ESR1: variants seen among roughly 807,000 people sequenced by gnomAD.
ESR1 encodes the protein estrogen receptor.
A neutral mutation model predicts 52.7 loss-of-function variants in ESR1; 12 were observed. The ratio of observed to expected loss-of-function variants is 0.23; its 90% CI spans 0.15 to 0.37. The LOEUF is 0.37. ESR1 is among the 10% of genes least tolerant of loss of function. The pLI is 1.00. For synonymous variants in ESR1, 305 were observed against 316.8 expected, an observed-to-expected ratio of 0.96 and a Z score of 0.39; for missense variants, 584 against 779.7, an observed-to-expected ratio of 0.75 and a Z score of 2.99.
chr6:151,731,967 C>G (rs922569260), intron 2 of ESR1, among the ~76,000 whole-genome samples: 2 of 152,048 alleles, frequency 1.3e-5, no homozygotes, highest in Non-Finnish European at 2.9e-5. Flanking sequence ...CAGAGCAGGA[C>G]GTGGAATTGG....
chr6:151,661,422 T>A (rs1044491677), intron 1 of ESR1, among the ~76,000 whole-genome samples: 1 of 152,210 alleles, frequency 6.6e-6, no homozygotes, highest in Non-Finnish European at 1.5e-5. Flanking sequence ...TGGCTTCTAA[T>A]CAGGGGAAGA....
At chr6:152,123,199 A>G (rs977810703) in intron 6 of ESR1, among the ~76,000 whole-genome samples, 6 of 152,228 alleles carry the variant, frequency 3.9e-5, no homozygotes, top group Non-Finnish European at 8.8e-5. Context: ...GACCCATAAA[A>G]GCTTCATTAA....
chr6:151,760,927 G>A lies in ESR1; in HGVS notation c.-70-46916G>A, dbSNP rs1341789911. Among the ~76,000 whole-genome samples the A allele has an allele frequency of 3.3e-5, 5 of 152,156 alleles. No individual in the cohort carries two copies. The South Asian group carries it at 6.2e-4, about 19-fold the overall frequency. ...AAACTCTATGATTGAGACCTTTTTG[G>A]AATATTGGAAAATATTTTTGTGTGC... On this transcript the variant is annotated intron_variant, in intron 2 of 2. Coordinates refer to the ESR1 transcript ENST00000404742.
At chr6:151,941,899 C>T (rs551021475) in intron 3 of ESR1, among the ~76,000 whole-genome samples, 109 of 152,338 alleles carry the variant, frequency 7.2e-4, no homozygotes, top group African/African-American at 2.0e-3. Context: ...AACCCATCTA[C>T]GGGAGATGCT....
chr6:151,983,828 T>C (rs1466555664), intron 4 of ESR1: 2 of 152,136 alleles, frequency 1.3e-5, no homozygotes, highest in Non-Finnish European at 1.5e-5. Context: ...TCCAGGATGT[T>C]AGTCGTGTCC....
At chr6:151,936,315 C>G (rs2034351287) in intron 3 of ESR1, 2 of 152,242 alleles carry the variant, frequency 1.3e-5, no homozygotes, top group East Asian at 3.9e-4. Flanking sequence ...CCTAAACTTG[C>G]CATGTAGGAG....
intron 6 of ESR1, among the ~76,000 whole-genome samples, chr6:152,067,352 C>G (rs1362284753): frequency 6.6e-6 from 1 of 152,146 alleles, no homozygotes; most frequent in Non-Finnish European, 1.5e-5. Flanking sequence ...GACGGGAAAT[C>G]CTTGCACTGT....
intron 1 of ESR1, among the ~76,000 whole-genome samples, chr6:151,821,408 G>A (rs1461940691): frequency 3.3e-5 from 5 of 152,068 alleles, no homozygotes; most frequent in Non-Finnish European, 7.4e-5. Context: ...TTGTCGAGTC[G>A]GTGTTAGTTC....
chr6:151,661,622 C>T (rs947593037), intron 1 of ESR1, among the ~76,000 whole-genome samples: 3 of 152,180 alleles, frequency 2.0e-5, no homozygotes, highest in African/African-American at 7.2e-5. Flanking sequence ...GGCTCTGTGG[C>T]CTGTTTGGGC....
At chr6:151,999,654 G>A (rs555793427) in intron 4 of ESR1, among the ~76,000 whole-genome samples, 219 of 152,196 alleles carry the variant, frequency 1.4e-3, no homozygotes, top group Admixed American at 2.6e-3. Context: ...GAGAAAATAT[G>A]TAATGAATCA....
intron 3 of ESR1, among the ~76,000 whole-genome samples, chr6:151,921,467 G>A (rs967058161): frequency 6.6e-6 from 1 of 152,108 alleles, no homozygotes; most frequent in Non-Finnish European, 1.5e-5. Flanking sequence ...GGATTGCCAG[G>A]TTGAATGGTA....
At chr6:151,988,115 A>C (rs2040666368) in intron 4 of ESR1, among the ~76,000 whole-genome samples, 1 of 152,100 alleles carries the variant, frequency 6.6e-6, no homozygotes, top group Non-Finnish European at 1.5e-5. Flanking sequence ...ATTCAGGTAC[A>C]TTACATTAAT....
chr6:151,673,710 CT>C (rs921692400), intron 1 of ESR1, among the ~76,000 whole-genome samples: 1 of 152,112 alleles, frequency 6.6e-6, no homozygotes, highest in African/African-American at 2.4e-5. Flanking sequence ...TAGTGAGACC[CT>C]ATCTCAACAA....
intron 3 of ESR1, among the ~76,000 whole-genome samples, chr6:151,885,043 T>A (rs935613675): frequency 1.3e-5 from 2 of 152,140 alleles, no homozygotes; most frequent in African/African-American, 4.8e-5. Flanking sequence ...GGTCTCTGTG[T>A]CTTGTTTACC....
intron 4 of ESR1, among the ~76,000 whole-genome samples, chr6:151,954,102 A>G (rs1167938913): frequency 6.6e-6 from 1 of 152,200 alleles, no homozygotes; most frequent in Non-Finnish European, 1.5e-5. Flanking sequence ...TTGAAATAGA[A>G]TGTTAATTCA....
rs188991867 is a variant in ESR1, at chr6:151,979,198, A to G, written c.1097-32458A>G. On this transcript the variant is annotated intron_variant, in intron 4 of 7. Coordinates refer to ENST00000206249, the MANE Select transcript of ESR1 (RefSeq NM_000125.4). ...GCCTCTTTAAAGGTTCTATCTCCAAATACGGTCCCATTTTGAGGCACTAGG... is the reference window on the plus strand; with the variant it reads ...GCCTCTTTAAAGGTTCTATCTCCAAGTACGGTCCCATTTTGAGGCACTAGG... Among the ~76,000 whole-genome samples the G allele has an allele frequency of 3.6e-4, 55 of 152,230 alleles. 1 individual carries two copies. The highest frequency in any genetic ancestry group is 1.7e-3 in the Admixed American group (26 of 15,284).
intron 4 of ESR1, among the ~76,000 whole-genome samples, chr6:151,957,741 C>A (rs1395318418): frequency 2.0e-5 from 3 of 151,048 alleles, no homozygotes; most frequent in Non-Finnish European, 2.9e-5. Flanking sequence ...TAGAATAAAT[C>A]CTATTTCAGA....
intron 2 of ESR1, among the ~76,000 whole-genome samples, chr6:151,725,991 G>A (rs992250201): frequency 6.6e-6 from 1 of 152,192 alleles, no homozygotes; most frequent in South Asian, 2.1e-4. Flanking sequence ...GATTTGGGCA[G>A]ATAAAGAAAG....
chr6:151,701,529 C>CAAAAA (rs57589542), intron 1 of ESR1, among the ~76,000 whole-genome samples: 12 of 89,386 alleles, frequency 1.3e-4, no homozygotes, highest in East Asian at 4.5e-4. Flanking sequence ...CACTACATCT[C>CAAAAA]AAAAAAAAAA....
Sources: gnomAD v4.1 joint callset for allele counts (sites outside exome capture counted in the v4.1 genomes callset) on GRCh38, gnomAD v4.1.1 for gene constraint, MANE v1.5 for transcripts, NCBI Gene and HGNC (gene_info 2026-07-23, HGNC 2026-07-21) for gene names.